UTP20: variants seen among roughly 807,000 people sequenced by gnomAD.
UTP20 encodes the protein small subunit processome component 20 homolog.
A neutral mutation model predicts 329.5 loss-of-function variants in UTP20; 164 were observed. The ratio of observed to expected loss-of-function variants is 0.50; its 90% CI spans 0.44 to 0.57. UTP20 has a LOEUF of 0.57. Among genes scored for constraint, UTP20 ranks in the 20% least tolerant of loss-of-function variants. The pLI, the probability that UTP20 is intolerant of heterozygous loss-of-function variation, is 0.00. For missense variants in UTP20, 3,055 were observed against 3,284.2 expected (o/e 0.93, Z 1.71); for synonymous variants, 1,151 against 1,159.3 (o/e 0.99, Z 0.14).
At chr12:101,369,227 G>C (rs761170507) in intron 48 of UTP20, among the ~76,000 whole-genome samples, 23 of 151,930 alleles carry the variant, frequency 1.5e-4, no homozygotes, top group Non-Finnish European at 5.9e-5. Context: ...TACCATTCTA[G>C]AAAACAGAAA....
intron 12 of UTP20, among the ~76,000 whole-genome samples, chr12:101,297,063 A>G (rs1048410776): frequency 6.6e-6 from 1 of 152,100 alleles, no homozygotes; most frequent in Admixed American, 6.6e-5. Flanking sequence ...GGCGGAATTG[A>G]TGGGCATTCC....
intron 5 of UTP20, among the ~76,000 whole-genome samples, chr12:101,287,048 T>C (rs1350090744): frequency 2.6e-5 from 4 of 152,198 alleles, no homozygotes; most frequent in African/African-American, 9.6e-5. Flanking sequence ...AAAGTAAGCA[T>C]AAATTGTCTT....
chr12:101,380,196 G>A (rs1870596761), intron 57 of UTP20, among the ~76,000 whole-genome samples: 2 of 151,918 alleles, frequency 1.3e-5, no homozygotes, highest in African/African-American at 2.4e-5. Flanking sequence ...TGGGCAACAT[G>A]GCGAAAACCT....
intron 19 of UTP20, 52 bp from the exon 20 acceptor site, chr12:101,311,655 TCTATGAGCAATC>T: frequency 7.7e-7 from 1 of 1,301,812 alleles, no homozygotes; most frequent in Non-Finnish European, 1.0e-6. Context: ...TTTTTTTTTT[TCTATGAGCAATC>T]TTAAAATGGC....
At chr12:101,311,530 A>G (rs1378499776) in intron 19 of UTP20, among the ~76,000 whole-genome samples, 189 bp from the exon 20 acceptor site, 1 of 152,236 alleles carries the variant, frequency 6.6e-6, no homozygotes, top group African/African-American at 2.4e-5. Context: ...ATGACTATAA[A>G]AATGATTTGT....
At chr12:101,383,513 T>G in intron 59 of UTP20, 30 bp from the exon 60 acceptor site, 1 of 1,604,558 alleles carries the variant, frequency 6.2e-7, no homozygotes, top group Non-Finnish European at 8.5e-7. Flanking sequence ...GAGAAGTCTT[T>G]CAAATGAAAA....
At chr12:101,334,841 G>T (rs1324569350) in intron 29 of UTP20, among the ~76,000 whole-genome samples, 1 of 152,094 alleles carries the variant, frequency 6.6e-6, no homozygotes, top group African/African-American at 2.4e-5. Context: ...TGGGCATGTG[G>T]CGCATGCCTT....
chr12:101,348,868 G>T (rs1025913928), intron 38 of UTP20, among the ~76,000 whole-genome samples: 4 of 150,868 alleles, frequency 2.7e-5, no homozygotes, highest in African/African-American at 9.7e-5. Context: ...GAGCCACTGT[G>T]CCTGGACTTC....
intron 23 of UTP20, among the ~76,000 whole-genome samples, 174 bp downstream of exon 23, chr12:101,319,809 A>G (rs868390940): frequency 2.4e-4 from 37 of 152,070 alleles, no homozygotes; most frequent in African/African-American, 8.2e-4. Flanking sequence ...ATCTTGAGAA[A>G]CAGTTTTAGC....
chr12:101,360,011 T>G (rs529129027), intron 43 of UTP20, among the ~76,000 whole-genome samples: 72 of 152,350 alleles, frequency 4.7e-4, no homozygotes, highest in African/African-American at 1.5e-3. Flanking sequence ...ACATCTCTGT[T>G]CTTGAGGATT....
intron 57 of UTP20, among the ~76,000 whole-genome samples, chr12:101,379,956 A>G (rs1486082122): frequency 6.6e-6 from 1 of 152,010 alleles, no homozygotes; most frequent in Non-Finnish European, 1.5e-5. Context: ...GGTACCTGGG[A>G]TTACAGGCAC....
chr12:101,314,038 T>C, intron 21 of UTP20, among the ~76,000 whole-genome samples: 1 of 152,138 alleles, frequency 6.6e-6, no homozygotes, highest in East Asian at 1.9e-4. Flanking sequence ...TTTTAAATGA[T>C]CAGATACGGA....
chr12:101,382,899 TAATAGTTGTTA>T, intron 58 of UTP20, 131 bp from the exon 59 acceptor site: 2 of 1,016,100 alleles, frequency 2.0e-6, no homozygotes, highest in Non-Finnish European at 2.7e-6. Context: ...CTTCATCATT[TAATAGTTGTTA>T]AATAGTTGTA....
intron 6 of UTP20, 61 bp downstream of exon 6, chr12:101,289,102 C>T (rs755936036): frequency 2.3e-5 from 33 of 1,452,514 alleles, no homozygotes; most frequent in South Asian, 4.7e-5. Context: ...ATAGGCCAGG[C>T]GTGGTGGCTC....
Position 101,381,130 on chromosome 12 carries a change from C to G in UTP20, c.7585-10C>G, listed in dbSNP as rs1870631853. 6.2e-7 allele frequency: 1 copy of G among 1,611,314 alleles called. No individual in the cohort carries two copies. On this transcript the variant is annotated splice_polypyrimidine_tract_variant and intron_variant, in intron 57 of 61. Coordinates refer to ENST00000261637, the MANE Select transcript of UTP20 (RefSeq NM_014503.3). The stretch of plus-strand genomic sequence containing the variant: ...TGTTTTGTCTACCAATGTCCATTTT[C>G]TTTTCACAGATGAAAAGTATCTCTC...
At chr12:101,361,905 T>C (rs7313312) in intron 43 of UTP20, 57 bp from the exon 44 acceptor site, 320,135 of 1,370,384 alleles carry the variant, frequency 0.23, 39,288 homozygotes, top group East Asian at 0.39. Flanking sequence ...CTAGATCTTA[T>C]GTTTTCCTAG....
intron 45 of UTP20, 102 bp downstream of exon 45, chr12:101,363,845 A>G (rs999289694): frequency 3.6e-5 from 28 of 778,504 alleles, no homozygotes; most frequent in Non-Finnish European, 5.7e-5. Flanking sequence ...TTGATCACCC[A>G]TGATTTCCTT....
intron 38 of UTP20, among the ~76,000 whole-genome samples, chr12:101,348,905 C>T (rs1869422546): frequency 6.6e-6 from 1 of 151,818 alleles, no homozygotes; most frequent in Non-Finnish European, 1.5e-5. Flanking sequence ...GAGGACTTCC[C>T]TTAATTTTTA....
Position 101,386,150 on chromosome 12 carries a change from A to T in UTP20, c.*27A>T, listed in dbSNP as rs754992400. The T allele has an allele frequency of 1.9e-6, 3 of 1,579,686 alleles. No individual in the cohort carries two copies. The highest frequency in any genetic ancestry group is 2.6e-6 in the Non-Finnish European group (3 of 1,170,184). ...GTCTCCCTGTGCTGATACAAGCATG[A>T]ACTTTCTGGAATATTCTGCTAGTCT... On this transcript the variant is annotated 3_prime_UTR_variant, in exon 62 of 62. Coordinates refer to ENST00000261637, the MANE Select transcript of UTP20 (RefSeq NM_014503.3).
Sources: allele counts gnomAD v4.1 joint callset (sites outside exome capture counted in the v4.1 genomes callset), GRCh38; gene constraint gnomAD v4.1.1; transcripts MANE v1.5; gene names NCBI Gene and HGNC (gene_info 2026-07-23, HGNC 2026-07-21).